Variants in AKAP10 observed in about 807,000 individuals in gnomAD.
AKAP10 encodes the protein A-kinase anchor protein 10, mitochondrial.
In AKAP10, 24 loss-of-function variants were observed where a neutral mutation model predicts 80.8. That is an observed-to-expected ratio of 0.30 (90% CI 0.22 to 0.42). The LOEUF is 0.42. Ranked by LOEUF, AKAP10 falls within the 10% of genes least tolerant of loss-of-function variation. The probability of loss-of-function intolerance (pLI) is 1.00; values close to 1 mark genes in which losing one functional copy is unlikely to be tolerated. For synonymous variants in AKAP10, 291 were observed against 277.7 expected (o/e 1.05, Z -0.48); for missense variants, 661 against 794.9 (o/e 0.83, Z 2.03).
At chr17:19,940,058 A>C (rs1373663860) in intron 7 of AKAP10, among the ~76,000 whole-genome samples, 3 of 152,238 alleles carry the variant, frequency 2.0e-5, no homozygotes, top group Non-Finnish European at 4.4e-5. Context: ...GTTAACAAGA[A>C]ACAAACACTA....
chr17:19,958,156 G>A lies in AKAP10; in HGVS notation c.735C>T (p.Ala245=). ...TGGCCATTTCAAGACGGAGAGAATG[G>A]GCACTGTCACATTCCTGGGAAAGCA... is the stretch of plus-strand genomic sequence containing the variant. ...HLLLSQECDS[A]HSLRLEMARA... is the part of the protein sequence containing the mutation. Residue 245 remains alanine (A), a synonymous_variant, in exon 4 of 15, where the codon GCC becomes GCT. Coordinates refer to ENST00000225737, the MANE Select transcript of AKAP10 (RefSeq NM_007202.4). 1 of 1,614,140 alleles carries A rather than the reference G, an allele frequency of 6.2e-7. No homozygotes were observed. The highest frequency in any genetic ancestry group is 8.5e-7 in the Non-Finnish European group (1 of 1,180,030).
chr17:19,924,677 T>A (rs2042856944), intron 10 of AKAP10, among the ~76,000 whole-genome samples, 160 bp from the exon 11 acceptor site: 1 of 152,188 alleles, frequency 6.6e-6, no homozygotes, highest in Non-Finnish European at 1.5e-5. Flanking sequence ...CTCTGAAATG[T>A]AACCTCATAC....
At chr17:19,943,170 T>C (rs906911445) in intron 5 of AKAP10, among the ~76,000 whole-genome samples, 1 of 152,182 alleles carries the variant, frequency 6.6e-6, no homozygotes, top group African/African-American at 2.4e-5. Context: ...ATTACAGGCC[T>C]GAGACATTGC....
intron 12 of AKAP10, among the ~76,000 whole-genome samples, chr17:19,919,152 C>T (rs908921389): frequency 4.7e-5 from 7 of 149,556 alleles, no homozygotes. Flanking sequence ...GTTCAATTCC[C>T]ACCTATGAGT....
At chr17:19,968,155 C>A (rs1480399873) in intron 2 of AKAP10, 2 of 262,532 alleles carry the variant, frequency 7.6e-6, no homozygotes, top group Non-Finnish European at 1.3e-5. Context: ...GAGCCAAGAT[C>A]GCGCCACTGC....
At position 19,970,822 on chromosome 17, in the gene AKAP10, T is replaced by TAAA. The variant is rs911081865; in HGVS notation, c.89-2364_89-2362dup. Among the ~76,000 whole-genome samples, 6 of 148,216 alleles carry TAAA rather than the reference T, an allele frequency of 4.0e-5. No homozygotes were observed. In the East Asian group the frequency reaches 1.2e-3, roughly 29 times the overall value. On this transcript the variant is annotated intron_variant, in intron 1 of 14. Coordinates refer to ENST00000225737, the MANE Select transcript of AKAP10 (RefSeq NM_007202.4). ...TGGGTGACAGAGCAAGACTCTGTCT[T>TAAA]AAAAAAAAAAAAATAAATAAATAAA...
intron 12 of AKAP10, among the ~76,000 whole-genome samples, chr17:19,918,065 C>CA (rs2042767952): frequency 6.7e-6 from 1 of 150,260 alleles, no homozygotes; most frequent in Non-Finnish European, 1.5e-5. Context: ...ACTAAAAATA[C>CA]AAAAATTAGC....
At chr17:19,939,612 G>T in intron 8 of AKAP10, 101 bp downstream of exon 8, 1 of 1,371,040 alleles carries the variant, frequency 7.3e-7, no homozygotes, top group Non-Finnish European at 9.9e-7. Flanking sequence ...CCTCCTGTGA[G>T]CTCCTTGACA....
intron 10 of AKAP10, among the ~76,000 whole-genome samples, chr17:19,930,801 C>T (rs1272723350): frequency 6.6e-6 from 1 of 152,082 alleles, no homozygotes; most frequent in Non-Finnish European, 1.5e-5. Flanking sequence ...ACCTCCGACT[C>T]CCTGGTTGAA....
chr17:19,946,049 AT>A (rs2043100449), intron 5 of AKAP10, among the ~76,000 whole-genome samples: 1 of 145,416 alleles, frequency 6.9e-6, no homozygotes, highest in Non-Finnish European at 1.5e-5. Context: ...TAATGAAAAC[AT>A]TTTTCTGAAA....
At chr17:19,950,296 G>A (rs1029480064) in intron 4 of AKAP10, among the ~76,000 whole-genome samples, 14 of 152,142 alleles carry the variant, frequency 9.2e-5, no homozygotes. Flanking sequence ...AGCAAAAAAG[G>A]GGCTCTCCCT....
rs570854402 is a variant in AKAP10 at position 19,973,928 on chromosome 17, G to A, written c.88+3664C>T. ...ACTAAAAATCCAAAAATGCAGCCGG[G>A]AGCGGTGGCTCATGCCTGTAATCCC... On this transcript the variant is annotated intron_variant, in intron 1 of 14. Transcript: ENST00000225737. 2.6e-5 allele frequency among the ~76,000 whole-genome samples: 4 copies of A among 152,352 alleles called. No homozygotes were observed. In the South Asian group the frequency reaches 8.3e-4, roughly 32 times the overall value.
At chr17:19,959,355 T>A (rs951542390) in intron 3 of AKAP10, among the ~76,000 whole-genome samples, 1 of 152,190 alleles carries the variant, frequency 6.6e-6, no homozygotes, top group Non-Finnish European at 1.5e-5. Flanking sequence ...AACACTCTCA[T>A]TCGCTGGTCA....
At chr17:19,964,294 T>C (rs919626781) in intron 2 of AKAP10, among the ~76,000 whole-genome samples, 1 of 152,184 alleles carries the variant, frequency 6.6e-6, no homozygotes, top group African/African-American at 2.4e-5. Flanking sequence ...ACATCTCTCT[T>C]AGAACTAGTA....
chr17:19,971,808 G>C (rs1309512710), intron 1 of AKAP10, among the ~76,000 whole-genome samples: 1 of 152,172 alleles, frequency 6.6e-6, no homozygotes, highest in Non-Finnish European at 1.5e-5. Context: ...GGAATTGCTA[G>C]GTAACAAATT....
intron 9 of AKAP10, 30 bp downstream of exon 9, chr17:19,936,256 T>C (rs2042990676): frequency 1.9e-6 from 3 of 1,592,324 alleles, no homozygotes; most frequent in Non-Finnish European, 2.6e-6. Flanking sequence ...AAACTTCTTG[T>C]AGTTTGATAC....
intron 1 of AKAP10, among the ~76,000 whole-genome samples, chr17:19,972,584 T>C (rs1384370437): frequency 6.6e-6 from 1 of 152,044 alleles, no homozygotes; most frequent in East Asian, 1.9e-4. Flanking sequence ...GCCTCCCAAG[T>C]AGCTGGGACT....
At chr17:19,971,556 T>C (rs984363996) in intron 1 of AKAP10, among the ~76,000 whole-genome samples, 1 of 152,158 alleles carries the variant, frequency 6.6e-6, no homozygotes, top group Non-Finnish European at 1.5e-5. Context: ...TATACATATC[T>C]GACCTGTATT....
At chr17:19,977,518 C>T in intron 1 of AKAP10, 74 bp downstream of exon 1, 2 of 1,142,488 alleles carry the variant, frequency 1.8e-6, no homozygotes, top group East Asian at 3.2e-5. Flanking sequence ...TTGGGGAAAG[C>T]CCTCGCAGGC....
Sources: gnomAD v4.1 joint callset for allele counts (sites outside exome capture counted in the v4.1 genomes callset) on GRCh38, gnomAD v4.1.1 for gene constraint, MANE v1.5 for transcripts, NCBI Gene and HGNC (gene_info 2026-07-23, HGNC 2026-07-21) for gene names.